TAMM41: variants seen among roughly 807,000 people sequenced by gnomAD.
TAMM41 encodes TAM41 mitochondrial translocator assembly and maintenance homolog, also known as phosphatidate cytidylyltransferase, mitochondrial.
TAMM41 carries 36 observed loss-of-function variants against 44.1 expected under a neutral mutation model. The observed-to-expected ratio is 0.82, with a 90% confidence interval of 0.63 to 1.08. The LOEUF (loss-of-function observed/expected upper bound fraction) is 1.08. TAMM41 is among the 50% of genes least tolerant of loss of function. The pLI is 0.00. For synonymous variants in TAMM41, 164 were observed against 153.1 expected (o/e 1.07, Z -0.53); for missense variants, 417 against 404.3 (o/e 1.03, Z -0.27).
chr3:11,743,418 CT>C, the TAMM41 span, among the ~76,000 whole-genome samples: 1 of 151,376 alleles, frequency 6.6e-6, no homozygotes, highest in South Asian at 2.1e-4. Context: ...ACTACAACCT[CT>C]GCCTCCAGGG....
the TAMM41 span, among the ~76,000 whole-genome samples, chr3:11,739,059 C>A: frequency 5.2e-4 from 79 of 152,308 alleles, no homozygotes; most frequent in Non-Finnish European, 8.7e-4. Flanking sequence ...CATGACAAGC[C>A]CTTTTGTGCC....
chr3:11,725,318 CCTCCTCCTCCTTTTTTTCTT>C, the TAMM41 span, among the ~76,000 whole-genome samples: 3,797 of 66,150 alleles, frequency 0.057, 166 homozygotes, highest in African/African-American at 0.17. Context: ...TTTTTCTTCT[CCTCCTCCTCCTTTTTTTCTT>C]CTCCTCCTCC....
intron 1 of TAMM41, among the ~76,000 whole-genome samples, chr3:11,844,605 C>A (rs147060429): frequency 6.6e-6 from 1 of 152,328 alleles, no homozygotes; most frequent in East Asian, 1.9e-4. Context: ...TGGCTCCAAA[C>A]TGTGTGTGCT....
intron 4 of TAMM41, among the ~76,000 whole-genome samples, chr3:11,824,205 T>G (rs2078648720): frequency 6.6e-6 from 1 of 150,842 alleles, no homozygotes; most frequent in South Asian, 2.1e-4. Context: ...AAATATTTTT[T>G]TTTTAGACAG....
intron 7 of TAMM41, among the ~76,000 whole-genome samples, chr3:11,794,799 T>C (rs1043597005): frequency 1.4e-4 from 21 of 152,304 alleles, no homozygotes; most frequent in African/African-American, 5.1e-4. Context: ...GGTAGAAATA[T>C]GGCTAGGCTG....
At chr3:11,819,446 C>A (rs956801437) in intron 4 of TAMM41, among the ~76,000 whole-genome samples, 1 of 152,206 alleles carries the variant, frequency 6.6e-6, no homozygotes, top group Non-Finnish European at 1.5e-5. Context: ...AAATTGCTCA[C>A]TGAAGCACTA....
At chr3:11,796,197 C>T (rs991788128) in intron 7 of TAMM41, among the ~76,000 whole-genome samples, 2 of 152,150 alleles carry the variant, frequency 1.3e-5, no homozygotes, top group African/African-American at 2.4e-5. Context: ...GGGCAGTCCT[C>T]CGAGCTGGTT....
chr3:11,744,139 C>T, the TAMM41 span, among the ~76,000 whole-genome samples: 2 of 151,218 alleles, frequency 1.3e-5, no homozygotes, highest in Non-Finnish European at 3.0e-5. Flanking sequence ...GTGATCTCGG[C>T]TCACTGCAAC....
rs1281737664 is a variant in TAMM41 at position 11,846,685 on chromosome 3, CG to C, written c.-50del. 17 of 1,612,256 alleles carry C rather than the reference CG, an allele frequency of 1.1e-5. No individual in the cohort carries two copies. Among genetic ancestry groups the C allele is most frequent in the Non-Finnish European group, 5.9e-6 (7 of 1,179,214 alleles). ...CTCAGCGCAGCAGGGCGAGGACAAC[CG>C]GGCGGGGAACAGACACCGGGTAGGC... On this transcript the variant is annotated 5_prime_UTR_variant, in exon 1 of 8. Transcript: ENST00000455809.
chr3:11,835,881 G>A (rs533553961), intron 3 of TAMM41, among the ~76,000 whole-genome samples: 346 of 152,204 alleles, frequency 2.3e-3, no homozygotes, highest in Non-Finnish European at 3.7e-3. Flanking sequence ...GTGGTGCAGG[G>A]TCACAACATT....
the TAMM41 span, among the ~76,000 whole-genome samples, chr3:11,738,692 T>C: frequency 6.6e-6 from 1 of 152,164 alleles, no homozygotes; most frequent in Admixed American, 6.5e-5. Context: ...AATCCCACTT[T>C]CCCCTACTTG....
chr3:11,737,180 T>A, the TAMM41 span, among the ~76,000 whole-genome samples: 1 of 151,826 alleles, frequency 6.6e-6, no homozygotes, highest in Non-Finnish European at 1.5e-5. Context: ...CAGAGACCAC[T>A]CCTGTTGTCT....
At chr3:11,760,540 A>AC in the TAMM41 span, among the ~76,000 whole-genome samples, 20 of 137,786 alleles carry the variant, frequency 1.5e-4, no homozygotes, top group Admixed American at 5.6e-4. Context: ...TGTAAGTACA[A>AC]TTTTTTGTTT....
chr3:11,731,146 C>T, the TAMM41 span, among the ~76,000 whole-genome samples: 1 of 152,060 alleles, frequency 6.6e-6, no homozygotes, highest in Non-Finnish European at 1.5e-5. Context: ...AGCAAGCAGG[C>T]TATGTCTGTA....
chr3:11,842,105 C>T lies in TAMM41; in HGVS notation c.318+1924G>A, dbSNP rs116727082. 4.0e-3 allele frequency among the ~76,000 whole-genome samples: 607 copies of T among 152,186 alleles called. 1 individual carries two copies. Among genetic ancestry groups the T allele is most frequent in the Non-Finnish European group, 6.2e-3 (421 of 68,020 alleles). Reference sequence around the variant, plus strand: ...CAATGGCATTGGCATCACTTGGGAGCTTATAACAAATGCAGAATTACGCCT... The same window carrying T: ...CAATGGCATTGGCATCACTTGGGAGTTTATAACAAATGCAGAATTACGCCT... On this transcript the variant is annotated intron_variant, in intron 2 of 7. Transcript: ENST00000455809.
chr3:11,768,633 T>C, the TAMM41 span, among the ~76,000 whole-genome samples: 2 of 152,228 alleles, frequency 1.3e-5, no homozygotes, highest in Non-Finnish European at 2.9e-5. Context: ...TAGTTGATTA[T>C]CAGAAATGGC....
the TAMM41 span, among the ~76,000 whole-genome samples, chr3:11,736,261 C>A: frequency 6.6e-6 from 1 of 152,146 alleles, no homozygotes; most frequent in African/African-American, 2.4e-5. Context: ...GCCACATGTG[C>A]CCATGGAAAG....
At chr3:11,725,539 G>A in the TAMM41 span, among the ~76,000 whole-genome samples, 7,068 of 151,710 alleles carry the variant, frequency 0.047, 536 homozygotes, top group African/African-American at 0.16. Flanking sequence ...CCTAGGCTCA[G>A]GTGATTCTCC....
At chr3:11,817,436 G>A in intron 4 of TAMM41, 99 bp from the exon 5 acceptor site, 1 of 1,251,958 alleles carries the variant, frequency 8.0e-7, no homozygotes, top group Non-Finnish European at 1.1e-6. Flanking sequence ...GGTTCACTCT[G>A]GCAGGATCCC....
Sources: gnomAD v4.1 joint callset for allele counts (sites outside exome capture counted in the v4.1 genomes callset) on GRCh38, gnomAD v4.1.1 for gene constraint, MANE v1.5 for transcripts, NCBI Gene and HGNC (gene_info 2026-07-23, HGNC 2026-07-21) for gene names.